The following KIFBP variants were observed in gnomAD, a reference collection of about 807,000 sequenced individuals.
KIFBP encodes the protein kinesin family binding protein.
Under a neutral mutation model 58.9 loss-of-function variants are expected in KIFBP, and 46 were observed. The observed-to-expected ratio is 0.78, with a 90% CI of 0.62 to 1.00. KIFBP has a LOEUF of 1.00. Among genes scored for constraint, KIFBP ranks in the 50% least tolerant of loss-of-function variants. The probability of loss-of-function intolerance (pLI) is 0.00; values close to 1 mark genes in which losing one functional copy is unlikely to be tolerated. For missense variants in KIFBP, 651 were observed against 752.9 expected, an observed-to-expected ratio of 0.86 and a Z score of 1.58; for synonymous variants, 241 against 283.4, an observed-to-expected ratio of 0.85 and a Z score of 1.50.
rs541618940 is a variant in KIFBP at position 69,009,008 on chromosome 10, G to T, written c.874+83G>T. The T allele has an allele frequency of 9.2e-5, 102 of 1,104,410 alleles. 1 individual carries two copies. In the East Asian group the frequency reaches 2.4e-3, roughly 26 times the overall value. 68.4% of individuals were successfully genotyped at this position (1,104,410 alleles called of 1,614,324 possible). A position where few individuals can be genotyped will look rare whatever the true frequency, so the allele number is the denominator to read the frequency against. The stretch of plus-strand genomic sequence containing the variant: ...ATTTTAAACTTTTGAAAAGTTGCAA[G>T]AACAGAAGAGCTATCATATGCCCTT... On this transcript the variant is annotated intron_variant, in intron 5 of 6. Coordinates refer to ENST00000361983, the MANE Select transcript of KIFBP (RefSeq NM_015634.4).
At chr10:69,009,039 T>C (rs1843565335) in intron 5 of KIFBP, 114 bp downstream of exon 5, 1 of 766,954 alleles carries the variant, frequency 1.3e-6, no homozygotes, top group Admixed American at 2.1e-5. Flanking sequence ...CCCTTCTAAA[T>C]GCACCAATTT....
chr10:69,008,389 AAAATATATATAT>A (rs1441649804), intron 4 of KIFBP, among the ~76,000 whole-genome samples: 3 of 56,570 alleles, frequency 5.3e-5, no homozygotes, highest in Non-Finnish European at 1.1e-4. Context: ...AAAAAAAAAA[AAAATATATATAT>A]ATATATATAT....
At chr10:68,993,821 A>T (rs1169029480) in intron 1 of KIFBP, among the ~76,000 whole-genome samples, 1 of 152,142 alleles carries the variant, frequency 6.6e-6, no homozygotes, top group African/African-American at 2.4e-5. Context: ...GGTAATTAGA[A>T]ACTCTGATTG....
chr10:69,011,395 CTTTTT>C (rs10700812), intron 6 of KIFBP: 1 of 128,894 alleles, frequency 7.8e-6, no homozygotes, highest in Admixed American at 7.6e-5. Flanking sequence ...ATATCATATT[CTTTTT>C]TTTTTTTTTT....
rs150350910 is a variant in KIFBP, at chr10:68,991,312, G to A, written c.426+2054G>A. ...CTTTCCAGACTTGCTTTGCCTCTCC[G>A]TTAAGTCAGGACTATGTCAATGGCA... On this transcript the variant is annotated intron_variant, in intron 1 of 6. Coordinates refer to ENST00000361983, the MANE Select transcript of KIFBP (RefSeq NM_015634.4). 1.4e-4 allele frequency: 30 copies of A among 211,078 alleles called. No homozygotes were observed. The East Asian group carries it at 2.9e-3, about 20-fold the overall frequency. The allele number at this position is 211,078 out of a possible 1,614,324, so 13.1% of individuals were successfully genotyped here.
At chr10:68,998,911 G>A (rs895059444) in intron 1 of KIFBP, among the ~76,000 whole-genome samples, 1 of 150,398 alleles carries the variant, frequency 6.6e-6, no homozygotes, top group Non-Finnish European at 1.5e-5. Context: ...AAGTAGTTGG[G>A]ATTACAGGCA....
At chr10:68,990,273 T>C (rs1261955259) in intron 1 of KIFBP, among the ~76,000 whole-genome samples, 1 of 152,224 alleles carries the variant, frequency 6.6e-6, no homozygotes, top group Non-Finnish European at 1.5e-5. Context: ...CTCCCATCTG[T>C]AATCCCAGCA....
At chr10:69,009,002 T>C (rs2132115546) in intron 5 of KIFBP, 77 bp downstream of exon 5, 1 of 1,233,438 alleles carries the variant, frequency 8.1e-7, no homozygotes, top group Non-Finnish European at 1.2e-6. Context: ...TTTTGAAAAG[T>C]TGCAAGAACA....
chr10:69,005,175 A>G, intron 3 of KIFBP, 50 bp downstream of exon 3: 1 of 1,327,206 alleles, frequency 7.5e-7, no homozygotes, highest in Non-Finnish European at 1.1e-6. Flanking sequence ...CATATCATAG[A>G]TTAGTGATTG....
At chr10:69,000,564 T>A in intron 2 of KIFBP, 42 bp downstream of exon 2, 1 of 1,185,846 alleles carries the variant, frequency 8.4e-7, no homozygotes, top group Non-Finnish European at 1.3e-6. Flanking sequence ...TGATTGAAAC[T>A]AGTTAAGAAT....
chr10:68,998,504 T>C (rs1000217534), intron 1 of KIFBP, among the ~76,000 whole-genome samples: 8 of 151,862 alleles, frequency 5.3e-5, no homozygotes, highest in Non-Finnish European at 1.2e-4. Context: ...TGTATTTTAA[T>C]AGGAGATTGG....
intron 6 of KIFBP, among the ~76,000 whole-genome samples, chr10:69,014,662 A>G (rs1838964779): frequency 6.8e-6 from 1 of 146,294 alleles, no homozygotes; most frequent in Admixed American, 7.0e-5. Flanking sequence ...TTATTGGCCA[A>G]GAAGAGCTTA....
chr10:68,995,786 A>G (rs1201645295), intron 1 of KIFBP, among the ~76,000 whole-genome samples: 3 of 152,224 alleles, frequency 2.0e-5, no homozygotes, highest in African/African-American at 7.2e-5. Flanking sequence ...AGTGGCAAGG[A>G]TATGATATGT....
chr10:68,998,777 T>A (rs1279529603), intron 1 of KIFBP, among the ~76,000 whole-genome samples: 10,930 of 72,696 alleles, frequency 0.15, 354 homozygotes, highest in Non-Finnish European at 0.18. Context: ...ATATATTTTT[T>A]TTTTTTTTTT....
intron 1 of KIFBP, 52 bp from the exon 2 acceptor site, chr10:69,000,372 T>G (rs1843453399): frequency 8.3e-7 from 1 of 1,203,952 alleles, no homozygotes; most frequent in Non-Finnish European, 1.2e-6. Flanking sequence ...GAAAGTTACT[T>G]TAATTGGAAG....
At chr10:69,007,921 C>T (rs767233315) in intron 4 of KIFBP, among the ~76,000 whole-genome samples, 4 of 152,066 alleles carry the variant, frequency 2.6e-5, no homozygotes, top group African/African-American at 7.2e-5. Flanking sequence ...TTGCCATGCC[C>T]GGAATTGAAT....
At chr10:69,000,129 T>C (rs1352653604) in intron 1 of KIFBP, among the ~76,000 whole-genome samples, 1 of 151,814 alleles carries the variant, frequency 6.6e-6, no homozygotes, top group African/African-American at 2.4e-5. Flanking sequence ...TGGAAATGAC[T>C]TTCCATCACT....
chr10:68,990,946 G>A (rs1050001503), intron 1 of KIFBP, among the ~76,000 whole-genome samples: 6 of 151,952 alleles, frequency 3.9e-5, no homozygotes, highest in African/African-American at 1.5e-4. Context: ...ATATGAAGAG[G>A]GAGGAAGAAG....
At chr10:69,014,445 C>T (rs1838959583) in intron 6 of KIFBP, among the ~76,000 whole-genome samples, 1 of 152,088 alleles carries the variant, frequency 6.6e-6, no homozygotes, top group South Asian at 2.1e-4. Context: ...AGGGATGGAG[C>T]AAAGGCTGTG....
Sources: allele counts gnomAD v4.1 joint callset (sites outside exome capture counted in the v4.1 genomes callset), GRCh38; gene constraint gnomAD v4.1.1; transcripts MANE v1.5; gene names NCBI Gene and HGNC (gene_info 2026-07-23, HGNC 2026-07-21).